The following NOCT variants were observed in gnomAD, a reference collection of about 807,000 sequenced individuals.
NOCT encodes the protein CCR4 carbon catabolite repression 4-like.
NOCT carries 18 observed loss-of-function variants against 35.0 expected under a neutral mutation model. The ratio of observed to expected loss-of-function variants is 0.51; its 90% CI spans 0.36 to 0.76. The LOEUF is 0.76. Among genes scored for constraint, NOCT ranks in the 30% least tolerant of loss-of-function variants. The pLI is 0.01. For missense variants in NOCT, 479 were observed against 541.0 expected, an observed-to-expected ratio of 0.89 and a Z score of 1.14; for synonymous variants, 235 against 226.3, an observed-to-expected ratio of 1.04 and a Z score of -0.34.
At chr4:139,025,570 G>A (rs924332422) in intron 1 of NOCT, among the ~76,000 whole-genome samples, 1 of 152,112 alleles carries the variant, frequency 6.6e-6, no homozygotes, top group Non-Finnish European at 1.5e-5. Flanking sequence ...CAGCACTTTG[G>A]GAGGCCAAGG....
chr4:139,026,862 CTTTTTTTTTTTTTTTTTTTTT>C (rs1165378672), intron 1 of NOCT, among the ~76,000 whole-genome samples: 6 of 120,328 alleles, frequency 5.0e-5, no homozygotes, highest in Admixed American at 8.4e-5. Flanking sequence ...TTTTTTTTTT[CTTTTTTTTTTTTTTTTTTTTT>C]TTTTTTTTTT....
chr4:139,024,378 T>C (rs887695464), intron 1 of NOCT, among the ~76,000 whole-genome samples: 11 of 152,218 alleles, frequency 7.2e-5, no homozygotes, highest in African/African-American at 2.4e-4. Context: ...TGTTTTTATC[T>C]CTTCTCTGTT....
At chr4:139,028,779 G>A (rs113492596) in intron 1 of NOCT, among the ~76,000 whole-genome samples, 1 of 152,208 alleles carries the variant, frequency 6.6e-6, no homozygotes, top group East Asian at 1.9e-4. Context: ...ACAGAATAAT[G>A]AAAATACATG....
At chr4:139,041,036 A>G (rs1272635158) in intron 1 of NOCT, among the ~76,000 whole-genome samples, 1 of 152,214 alleles carries the variant, frequency 6.6e-6, no homozygotes, top group Non-Finnish European at 1.5e-5. Context: ...CAGTTTGGAA[A>G]CAGTTGTATA....
intron 2 of NOCT, 29 bp downstream of exon 2, chr4:139,043,372 G>T: frequency 6.2e-7 from 1 of 1,603,790 alleles, no homozygotes; most frequent in Admixed American, 1.7e-5. Context: ...TGCCTCTGCA[G>T]TCAAGTTTGC....
intron 1 of NOCT, among the ~76,000 whole-genome samples, chr4:139,019,995 T>C (rs1726379316): frequency 6.6e-6 from 1 of 152,254 alleles, no homozygotes; most frequent in African/African-American, 2.4e-5. Flanking sequence ...TAATATGTCC[T>C]TTAACTATGT....
In NOCT at chr4:139,015,931, G is replaced by A. The variant is rs1054653367; in HGVS notation, c.-51G>A. The A allele has an allele frequency of 3.1e-6, 4 of 1,285,344 alleles. No individual in the cohort carries two copies. The highest frequency in any genetic ancestry group is 3.9e-6 in the Non-Finnish European group (4 of 1,014,678). 79.6% of individuals were successfully genotyped at this position (1,285,344 alleles called of 1,614,324 possible). A position where few individuals can be genotyped will look rare whatever the true frequency, so the allele number is the denominator to read the frequency against. ...CGACTCGGTGCCCTCGGCCCCAGCC[G>A]GGCTCCGCTCCTCGGGCGCGCGAGG... On this transcript the variant is annotated 5_prime_UTR_variant, in exon 1 of 3. Transcript: ENST00000280614.
chr4:139,029,208 T>G (rs988986533), intron 1 of NOCT, among the ~76,000 whole-genome samples: 4 of 152,158 alleles, frequency 2.6e-5, no homozygotes, highest in African/African-American at 9.7e-5. Flanking sequence ...TAGCTAACAT[T>G]TAGCTAATCA....
At chr4:139,041,774 C>T (rs1463404246) in intron 1 of NOCT, among the ~76,000 whole-genome samples, 1 of 152,148 alleles carries the variant, frequency 6.6e-6, no homozygotes, top group East Asian at 1.9e-4. Flanking sequence ...TACTCTAAGC[C>T]CTTCTGGCCT....
intron 1 of NOCT, among the ~76,000 whole-genome samples, 175 bp downstream of exon 1, chr4:139,016,346 C>G (rs1726300336): frequency 6.6e-6 from 1 of 152,126 alleles, no homozygotes; most frequent in Non-Finnish European, 1.5e-5. Context: ...TTTCCCTGTT[C>G]CCCGACTTGC....
rs1726868284 is a variant in NOCT at position 139,043,168 on chromosome 4, G to A, written c.285G>A (p.Val95=). ...CCTCCCAGCACCCAGAGTATTTGGT[G>A]TCACCTGACCCAGAGCATCTGGAGC... ...SAASQHPEYL[V]SPDPEHLEPI... The change falls in exon 2 of 3, where the codon GTG becomes GTA. Residue 95 remains valine (V), a synonymous_variant. Transcript: ENST00000280614. The A allele has an allele frequency of 1.2e-6, 2 of 1,614,128 alleles. No homozygotes were observed. Among genetic ancestry groups the A allele is most frequent in the East Asian group, 4.5e-5 (2 of 44,876 alleles).
At position 139,043,132 on chromosome 4, in the gene NOCT, C is replaced by G; in HGVS notation, c.249C>G (p.Asn83Lys). The change falls in exon 2 of 3, where the codon AAC (asparagine) becomes AAG (lysine). Residue 83 changes from asparagine to lysine, a missense_variant. Asn to Lys is a moderately conservative substitution (Grantham distance 94, BLOSUM62 0). Around this residue, in one of 2 missense-constraint regions of NOCT, gnomAD observed 265 missense variants for 257.0 expected, o/e 1.03. Transcript: ENST00000280614. ...ATAGTGCTCTCGCCAAGACACTGAA[C>G]AGCAGCGCTGCCTCCCAGCACCCAG... ...RLYSALAKTL[N>K]SSAASQHPEY... 2 of 1,614,002 alleles carry G rather than the reference C, an allele frequency of 1.2e-6. No individual in the cohort carries two copies. The highest frequency in any genetic ancestry group is 1.7e-6 in the Non-Finnish European group (2 of 1,179,920).
intron 1 of NOCT, among the ~76,000 whole-genome samples, chr4:139,037,304 A>G (rs1726753845): frequency 6.6e-6 from 1 of 152,260 alleles, no homozygotes; most frequent in South Asian, 2.1e-4. Context: ...CTATGCCAAT[A>G]AAACTTGAAA....
chr4:139,040,956 C>T (rs1165098212), intron 1 of NOCT, among the ~76,000 whole-genome samples: 3 of 150,960 alleles, frequency 2.0e-5, no homozygotes, highest in Non-Finnish European at 4.4e-5. Context: ...TACTGCCAGC[C>T]ATGAAGAAAA....
At position 139,016,021 on chromosome 4, in the gene NOCT, C is replaced by A. The variant is rs1246573026; in HGVS notation, c.40C>A (p.Gln14Lys). 1 of 1,397,966 alleles carries A rather than the reference C, an allele frequency of 7.2e-7. No individual in the cohort carries two copies. The highest frequency in any genetic ancestry group is 9.3e-7 in the Non-Finnish European group (1 of 1,077,086). The allele number at this position is 1,397,966 out of a possible 1,614,324, so 86.6% of individuals were successfully genotyped here. A position where few individuals can be genotyped will look rare whatever the true frequency, so the allele number is the denominator to read the frequency against. Residue 14 changes from glutamine (Q) to lysine (K), a missense_variant, in exon 1 of 3, where the codon CAG becomes AAG. By Grantham distance (53) the Gln-to-Lys change is moderately conservative. Around this residue, in one of 2 missense-constraint regions of NOCT, gnomAD observed 265 missense variants for 257.0 expected, o/e 1.03. Transcript: ENST00000280614. ...GCGGCGGCTCTGCTCGGCCCTGCTG[C>A]AGAGGGACGCGCCCGGCCTGCGCCG... ...SPRRLCSALL[Q>K]RDAPGLRRLP...
chr4:139,042,127 G>GA (rs1726844390), intron 1 of NOCT, among the ~76,000 whole-genome samples: 1 of 126,588 alleles, frequency 7.9e-6, no homozygotes, highest in South Asian at 2.5e-4. Flanking sequence ...GAGCTCAATA[G>GA]AGTCACCTCA....
intron 1 of NOCT, among the ~76,000 whole-genome samples, chr4:139,022,473 T>G (rs547825217): frequency 1.3e-5 from 2 of 152,254 alleles, no homozygotes; most frequent in Admixed American, 1.3e-4. Context: ...AATGCGTGGG[T>G]CCCATTCAGA....
intron 1 of NOCT, among the ~76,000 whole-genome samples, chr4:139,017,224 A>AT (rs1462947759): frequency 1.5e-5 from 2 of 134,752 alleles, no homozygotes; most frequent in East Asian, 2.6e-4. Flanking sequence ...GCAATACATA[A>AT]CTTTTTTTTT....
intron 1 of NOCT, among the ~76,000 whole-genome samples, chr4:139,038,142 G>A (rs1425521998): frequency 6.6e-6 from 1 of 152,126 alleles, no homozygotes. Flanking sequence ...GGAGGTTGCA[G>A]TGAGCCGAGA....
Sources: allele counts gnomAD v4.1 joint callset (sites outside exome capture counted in the v4.1 genomes callset), GRCh38; gene constraint gnomAD v4.1.1; regional missense constraint gnomAD v4.1.1; transcripts MANE v1.5; gene names NCBI Gene and HGNC (gene_info 2026-07-23, HGNC 2026-07-21).